The following MIR2052HG variants were observed in gnomAD, a reference collection of about 807,000 sequenced individuals.
MIR2052HG encodes MIR2052 host gene.
chr8:74,664,107 C>T (rs890353377), intron 2 of MIR2052HG, among the ~76,000 whole-genome samples: 5 of 151,610 alleles, frequency 3.3e-5, no homozygotes, highest in Non-Finnish European at 7.4e-5. Flanking sequence ...GAATAATGGA[C>T]TTTGGAGACT....
chr8:74,673,889 A>G (rs1420086529), intron 2 of MIR2052HG, among the ~76,000 whole-genome samples: 3 of 127,676 alleles, frequency 2.3e-5, no homozygotes, highest in African/African-American at 3.7e-5. Flanking sequence ...ATTTTTTTGT[A>G]TATATATATA....
At chr8:74,674,142 G>T (rs1586910282) in intron 2 of MIR2052HG, among the ~76,000 whole-genome samples, 1 of 60,372 alleles carries the variant, frequency 1.7e-5, no homozygotes, top group Non-Finnish European at 2.8e-5. Context: ...GTTTTTGTGT[G>T]TGTGTGTGTG....
intron 2 of MIR2052HG, among the ~76,000 whole-genome samples, chr8:74,673,091 A>C (rs1563528608): frequency 6.6e-6 from 1 of 152,088 alleles, no homozygotes; most frequent in Non-Finnish European, 1.5e-5. Flanking sequence ...GCAAAAAGAA[A>C]AAAAACATAG....
intron 2 of MIR2052HG, among the ~76,000 whole-genome samples, chr8:74,619,136 A>G (rs1197590552): frequency 6.6e-6 from 1 of 152,220 alleles, no homozygotes; most frequent in Non-Finnish European, 1.5e-5. Flanking sequence ...AGACACAAAT[A>G]AAAATATATC....
chr8:74,695,909 A>G (rs1041845508), intron 2 of MIR2052HG, among the ~76,000 whole-genome samples: 3 of 152,124 alleles, frequency 2.0e-5, no homozygotes, highest in East Asian at 1.9e-4. Context: ...AGCACTAGAG[A>G]GGTCATCAAG....
chr8:74,755,394 T>C (rs1163531480), intron 5 of MIR2052HG, among the ~76,000 whole-genome samples: 1 of 152,148 alleles, frequency 6.6e-6, no homozygotes, highest in Non-Finnish European at 1.5e-5. Flanking sequence ...GCGGTTTCAG[T>C]TGAGAAGATT....
intron 4 of MIR2052HG, among the ~76,000 whole-genome samples, chr8:74,728,981 A>C (rs1809663149): frequency 6.6e-6 from 1 of 152,212 alleles, no homozygotes; most frequent in Non-Finnish European, 1.5e-5. Flanking sequence ...GGGTTTCATT[A>C]GGAGCAGATG....
At chr8:74,679,606 A>G (rs925226891) in intron 2 of MIR2052HG, among the ~76,000 whole-genome samples, 5 of 151,022 alleles carry the variant, frequency 3.3e-5, no homozygotes, top group East Asian at 1.9e-4. Flanking sequence ...GCTTACTGCA[A>G]CCTCTACCTC....
chr8:74,755,534 C>G (rs1042881089), intron 5 of MIR2052HG, among the ~76,000 whole-genome samples: 1 of 152,186 alleles, frequency 6.6e-6, no homozygotes, highest in African/African-American at 2.4e-5. Context: ...AGTGACATTG[C>G]AGATTTTCTC....
rs1384058664 is a variant in MIR2052HG at position 74,722,612 on chromosome 8, A to G, written n.371+18930A>G. Among the ~76,000 whole-genome samples the G allele has an allele frequency of 2.0e-5, 3 of 152,300 alleles. No homozygotes were observed. In the East Asian group the frequency reaches 5.8e-4, roughly 29 times the overall value. On this transcript the variant is annotated intron_variant and non_coding_transcript_variant, in intron 4 of 6. Coordinates refer to ENST00000523442, the Ensembl canonical transcript of MIR2052HG. Reference sequence around the variant, plus strand: ...ATCAACAGGATTTCTTTGGTATACAAGTCTCTACTTTTAATGTTTATAGAC... The same window carrying G: ...ATCAACAGGATTTCTTTGGTATACAGGTCTCTACTTTTAATGTTTATAGAC...
At chr8:74,661,675 C>T (rs2128737040) in intron 2 of MIR2052HG, among the ~76,000 whole-genome samples, 1 of 152,220 alleles carries the variant, frequency 6.6e-6, no homozygotes, top group Admixed American at 6.5e-5. Flanking sequence ...TTATGTTTGG[C>T]TCAGAATTTA....
chr8:74,745,588 T>A (rs1389688935), intron 4 of MIR2052HG, among the ~76,000 whole-genome samples: 2 of 151,904 alleles, frequency 1.3e-5, no homozygotes, highest in Non-Finnish European at 2.9e-5. Context: ...TCACTGTAAA[T>A]AGGCATGCAA....
intron 2 of MIR2052HG, among the ~76,000 whole-genome samples, chr8:74,627,979 A>T (rs1808458229): frequency 6.6e-6 from 1 of 152,160 alleles, no homozygotes; most frequent in African/African-American, 2.4e-5. Flanking sequence ...CTTAAGTTGA[A>T]CATGGCATAA....
intron 2 of MIR2052HG, among the ~76,000 whole-genome samples, chr8:74,619,452 T>G (rs1808331142): frequency 6.6e-6 from 1 of 152,158 alleles, no homozygotes; most frequent in Non-Finnish European, 1.5e-5. Context: ...ATTCACACAC[T>G]GCTATGAAGA....
At chr8:74,739,749 T>C (rs1189599405) in intron 4 of MIR2052HG, among the ~76,000 whole-genome samples, 2 of 152,196 alleles carry the variant, frequency 1.3e-5, no homozygotes, top group African/African-American at 2.4e-5. Flanking sequence ...TAGTTGATAC[T>C]TCCTAAATCA....
chr8:74,713,336 C>T (rs1053591975), intron 4 of MIR2052HG, among the ~76,000 whole-genome samples: 7 of 152,126 alleles, frequency 4.6e-5, no homozygotes, highest in Middle Eastern at 3.2e-3. Flanking sequence ...AAGTCTAAGC[C>T]ACTTCCTACA....
At chr8:74,612,732 C>T in intron 1 of MIR2052HG, 1 of 353,816 alleles carries the variant, frequency 2.8e-6, no homozygotes, top group South Asian at 2.2e-5. Context: ...TCATTTTATG[C>T]TGTAAAAACA....
chr8:74,725,397 G>T (rs1809623274), intron 4 of MIR2052HG, among the ~76,000 whole-genome samples: 1 of 152,150 alleles, frequency 6.6e-6, no homozygotes, highest in South Asian at 2.1e-4. Flanking sequence ...TCACAGAACT[G>T]GTATTGGGTT....
intron 2 of MIR2052HG, among the ~76,000 whole-genome samples, chr8:74,699,147 T>C (rs1225813312): frequency 1.3e-5 from 2 of 152,234 alleles, no homozygotes; most frequent in Admixed American, 6.5e-5. Context: ...GGAATACTTT[T>C]ACACTGTTGG....
Sources: allele counts gnomAD v4.1 joint callset (sites outside exome capture counted in the v4.1 genomes callset), GRCh38; gene constraint gnomAD v4.1.1; transcripts MANE v1.5; gene names NCBI Gene and HGNC (gene_info 2026-07-23, HGNC 2026-07-21).